PGGT1B: variants seen among roughly 807,000 people sequenced by gnomAD.
PGGT1B encodes geranylgeranyl transferase type-1 subunit beta.
Under a neutral mutation model 46.1 loss-of-function variants are expected in PGGT1B, and 30 were observed. The observed-to-expected ratio is 0.65, with a 90% CI of 0.49 to 0.88. The LOEUF (loss-of-function observed/expected upper bound fraction) is 0.88, where lower values mean the gene tolerates loss of function less well. Ranked by LOEUF, PGGT1B falls within the 40% of genes least tolerant of loss-of-function variation. The probability of loss-of-function intolerance (pLI) is 0.00; values close to 1 mark genes in which losing one functional copy is unlikely to be tolerated. For synonymous variants in PGGT1B, 170 were observed against 160.0 expected (o/e 1.06, Z -0.47); for missense variants, 376 against 455.9 (o/e 0.82, Z 1.60).
intron 1 of PGGT1B, among the ~76,000 whole-genome samples, chr5:115,253,620 T>C (rs1748195256): frequency 6.6e-6 from 1 of 151,964 alleles, no homozygotes; most frequent in Non-Finnish European, 1.5e-5. Context: ...TGTGAAAATG[T>C]CAATTTTCAC....
intron 3 of PGGT1B, among the ~76,000 whole-genome samples, chr5:115,239,755 G>A (rs370327550): frequency 2.2e-4 from 34 of 152,248 alleles, no homozygotes; most frequent in African/African-American, 6.7e-4. Flanking sequence ...AAAAGTAAAC[G>A]CAAATTAGAG....
Position 115,237,958 on chromosome 5 carries a change from T to A in PGGT1B, c.379A>T (p.Thr127Ser). The A allele has an allele frequency of 6.2e-7, 1 of 1,612,318 alleles. No individual in the cohort carries two copies. The highest frequency in any genetic ancestry group is 8.5e-7 in the Non-Finnish European group (1 of 1,179,118). ...YDSGHIAMTY[T>S]GLSCLVILGD... Reference sequence around the variant, plus strand: ...AGAATAACTAAGCATGAGAGGCCAGTGTAGGTCATTGCAATGTGGCCACTA... The same window carrying A: ...AGAATAACTAAGCATGAGAGGCCAGAGTAGGTCATTGCAATGTGGCCACTA... Residue 127 changes from threonine to serine, a missense_variant, in exon 4 of 9, where the codon ACT becomes TCT. By Grantham distance (58) the Thr-to-Ser change is moderately conservative. Coordinates refer to ENST00000419445, the MANE Select transcript of PGGT1B (RefSeq NM_005023.4).
rs911615246 is a variant in PGGT1B at position 115,205,483 on chromosome 5, C to T, written c.*6919G>A. ...GAAAGAAGAGGGTGGAGAATGATCA[C>T]CTCAGTTAAAAAAATGTGGCATAAA... is the stretch of plus-strand genomic sequence containing the variant. On this transcript the variant is annotated 3_prime_UTR_variant, in exon 9 of 9. Coordinates refer to ENST00000419445, the MANE Select transcript of PGGT1B (RefSeq NM_005023.4). 11 of 148,670 alleles carry T rather than the reference C, an allele frequency of 7.4e-5. No homozygotes were observed. The highest frequency in any genetic ancestry group is 1.6e-4 in the Non-Finnish European group (11 of 67,646). 9.2% of individuals were successfully genotyped at this position (148,670 alleles called of 1,614,324 possible). A position where few individuals can be genotyped will look rare whatever the true frequency, so the allele number is the denominator to read the frequency against.
intron 5 of PGGT1B, among the ~76,000 whole-genome samples, chr5:115,235,413 G>A (rs114271247): frequency 6.6e-6 from 1 of 152,100 alleles, no homozygotes; most frequent in Non-Finnish European, 1.5e-5. Context: ...TTTGATTAGG[G>A]ACTCACTGAA....
chr5:115,234,191 T>C (rs1340904197), intron 5 of PGGT1B, among the ~76,000 whole-genome samples: 25 of 130,788 alleles, frequency 1.9e-4, no homozygotes, highest in Non-Finnish European at 2.5e-4. Context: ...CCAAGCTATA[T>C]TGTTAAGTGA....
At chr5:115,241,254 G>T (rs544346381) in intron 3 of PGGT1B, among the ~76,000 whole-genome samples, 1 of 152,242 alleles carries the variant, frequency 6.6e-6, no homozygotes, top group African/African-American at 2.4e-5. Flanking sequence ...TTTACACACA[G>T]ATGTATGATA....
chr5:115,219,316 T>A (rs1756518196), intron 7 of PGGT1B, among the ~76,000 whole-genome samples: 2 of 151,892 alleles, frequency 1.3e-5, no homozygotes, highest in South Asian at 4.1e-4. Flanking sequence ...GTCAACTGAC[T>A]TTTGACAAGG....
intron 1 of PGGT1B, among the ~76,000 whole-genome samples, chr5:115,254,944 G>A (rs990599852): frequency 6.6e-6 from 1 of 152,054 alleles, no homozygotes; most frequent in Non-Finnish European, 1.5e-5. Context: ...TCCTTTATGT[G>A]GGAAGCAGTG....
At chr5:115,219,561 C>T (rs1756524799) in intron 7 of PGGT1B, among the ~76,000 whole-genome samples, 1 of 151,638 alleles carries the variant, frequency 6.6e-6, no homozygotes, top group Non-Finnish European at 1.5e-5. Context: ...GGACATGACA[C>T]CAATAACACA....
intron 5 of PGGT1B, among the ~76,000 whole-genome samples, chr5:115,234,110 G>A (rs1439174289): frequency 6.7e-6 from 1 of 148,526 alleles, no homozygotes; most frequent in East Asian, 2.0e-4. Flanking sequence ...GAAACTATAA[G>A]AAAAAGAGAA....
intron 1 of PGGT1B, 86 bp downstream of exon 1, chr5:115,262,626 G>C: frequency 6.9e-7 from 1 of 1,457,610 alleles, no homozygotes; most frequent in Non-Finnish European, 9.3e-7. Context: ...CCCCCTTCCG[G>C]CGCCCAGTTT....
chr5:115,262,769 A>T lies in PGGT1B; in HGVS notation c.83T>A (p.Phe28Tyr). The T allele has an allele frequency of 1.2e-6, 2 of 1,613,420 alleles. No homozygotes were observed. Among genetic ancestry groups the T allele is most frequent in the Non-Finnish European group, 1.7e-6 (2 of 1,179,768 alleles). ...CAAAACCTGGAGGCAGCGCTGGAAA[A>T]ATCGCACGTGCCGATCCCGTAAGAA... ...LDFLRDRHVR[F>Y]FQRCLQVLPE... Residue 28 changes from phenylalanine (F) to tyrosine (Y), a missense_variant, in exon 1 of 9, where the codon TTT (phenylalanine) becomes TAT (tyrosine). Phe to Tyr is a conservative substitution (Grantham distance 22). Transcript: ENST00000419445.
chr5:115,205,077 G>C lies in PGGT1B; in HGVS notation c.*7325C>G, dbSNP rs973628576. Reference sequence around the variant, plus strand: ...CTTTATCAAATCGATTTTAGTGATTGTTTTCCTTCAATCTTTAGAGATTTC... The same window carrying C: ...CTTTATCAAATCGATTTTAGTGATTCTTTTCCTTCAATCTTTAGAGATTTC... On this transcript the variant is annotated 3_prime_UTR_variant, in exon 9 of 9. Coordinates refer to ENST00000419445, the MANE Select transcript of PGGT1B (RefSeq NM_005023.4). 6 of 152,120 alleles carry C rather than the reference G, an allele frequency of 3.9e-5. No individual in the cohort carries two copies. The highest frequency in any genetic ancestry group is 1.4e-4 in the African/African-American group (6 of 41,426). 9.4% of individuals were successfully genotyped at this position (152,120 alleles called of 1,614,324 possible). A position where few individuals can be genotyped will look rare whatever the true frequency, so the allele number is the denominator to read the frequency against.
chr5:115,231,418 G>A (rs1455009049), intron 5 of PGGT1B, among the ~76,000 whole-genome samples: 2 of 152,006 alleles, frequency 1.3e-5, no homozygotes, highest in Non-Finnish European at 2.9e-5. Context: ...TTCTGAGGCA[G>A]TCTGGGGTCA....
In PGGT1B at chr5:115,212,009, A is replaced by T. The variant is rs1347929592; in HGVS notation, c.*393T>A. The T allele has an allele frequency of 1.2e-5, 2 of 160,102 alleles. No individual in the cohort carries two copies. The highest frequency in any genetic ancestry group is 1.2e-4 in the Admixed American group (2 of 16,458). 9.9% of individuals were successfully genotyped at this position (160,102 alleles called of 1,614,324 possible). A position where few individuals can be genotyped will look rare whatever the true frequency, so the allele number is the denominator to read the frequency against. On this transcript the variant is annotated 3_prime_UTR_variant, in exon 9 of 9. Coordinates refer to ENST00000419445, the MANE Select transcript of PGGT1B (RefSeq NM_005023.4). The stretch of plus-strand genomic sequence containing the variant: ...CGATCAGCAGTGAGCTTTTTAAATG[A>T]TCACTAAGTGTTCACCTGAAGATTA...
At chr5:115,256,914 T>C (rs1748339213) in intron 1 of PGGT1B, among the ~76,000 whole-genome samples, 1 of 152,214 alleles carries the variant, frequency 6.6e-6, no homozygotes, top group African/African-American at 2.4e-5. Context: ...TTATTTTTAC[T>C]TTTTTACTTC....
chr5:115,218,406 TA>T (rs1351352779), intron 7 of PGGT1B, among the ~76,000 whole-genome samples: 1 of 145,054 alleles, frequency 6.9e-6, no homozygotes, highest in Non-Finnish European at 1.5e-5. Flanking sequence ...TGTATATATA[TA>T]TATATATGTC....
intron 6 of PGGT1B, among the ~76,000 whole-genome samples, chr5:115,223,369 T>C (rs1222426231): frequency 2.0e-5 from 3 of 152,188 alleles, no homozygotes; most frequent in Non-Finnish European, 4.4e-5. Flanking sequence ...TTATTCGGTA[T>C]TATCTGGGTG....
At chr5:115,252,118 G>A (rs1748127816) in intron 2 of PGGT1B, among the ~76,000 whole-genome samples, 2 of 152,036 alleles carry the variant, frequency 1.3e-5, no homozygotes, top group African/African-American at 4.8e-5. Flanking sequence ...TCATCAACAT[G>A]TTAGATCTGT....
Sources: allele counts gnomAD v4.1 joint callset (sites outside exome capture counted in the v4.1 genomes callset), GRCh38; gene constraint gnomAD v4.1.1; transcripts MANE v1.5; gene names NCBI Gene and HGNC (gene_info 2026-07-23, HGNC 2026-07-21).